RB1: variants seen among roughly 807,000 people sequenced by gnomAD.
The protein encoded by RB1 is RB transcriptional corepressor 1.
In RB1, 18 loss-of-function variants were observed where a neutral mutation model predicts 135.4. The ratio of observed to expected loss-of-function variants is 0.13; its 90% CI spans 0.09 to 0.20. The LOEUF is 0.20. Among genes scored for constraint, RB1 ranks in the 10% least tolerant of loss-of-function variants. RB1 has a pLI of 1.00. For synonymous variants in RB1, 365 were observed against 373.2 expected (o/e 0.98, Z 0.25); for missense variants, 868 against 1,110.0 (o/e 0.78, Z 3.10).
chr13:48,391,262 T>G (rs1648055970), intron 17 of RB1: 1 of 152,250 alleles, frequency 6.6e-6, no homozygotes, highest in Non-Finnish European at 1.5e-5. Flanking sequence ...ACCTTTGGGC[T>G]GTTGTTGTCA....
chr13:48,316,639 C>A (rs991942299), intron 2 of RB1, among the ~76,000 whole-genome samples: 1 of 151,480 alleles, frequency 6.6e-6, no homozygotes, highest in Non-Finnish European at 1.5e-5. Context: ...TAAATAAAAG[C>A]ATTGTTTCAT....
At chr13:48,441,241 C>T (rs188296887) in intron 17 of RB1, among the ~76,000 whole-genome samples, 1 of 152,292 alleles carries the variant, frequency 6.6e-6, no homozygotes, top group Admixed American at 6.5e-5. Context: ...AGGGACAAGG[C>T]AGCTCTCTGG....
At chr13:48,366,818 G>A (rs1374136050) in intron 9 of RB1, among the ~76,000 whole-genome samples, 1 of 152,086 alleles carries the variant, frequency 6.6e-6, no homozygotes, top group Non-Finnish European at 1.5e-5. Flanking sequence ...ATATTGATAA[G>A]CATAAAAGAT....
intron 11 of RB1, among the ~76,000 whole-genome samples, chr13:48,369,731 T>C (rs1428985533): frequency 6.6e-6 from 1 of 152,212 alleles, no homozygotes; most frequent in Admixed American, 6.5e-5. Context: ...TTTCTTTCCA[T>C]GGATTACCAA....
chr13:48,397,592 T>C (rs1174683401), intron 17 of RB1, among the ~76,000 whole-genome samples: 1 of 152,148 alleles, frequency 6.6e-6, no homozygotes, highest in Non-Finnish European at 1.5e-5. Flanking sequence ...CGTATACCTA[T>C]GTAACAAACC....
At chr13:48,349,086 T>C in intron 6 of RB1, 63 bp downstream of exon 6, 1 of 1,505,804 alleles carries the variant, frequency 6.6e-7, no homozygotes, top group South Asian at 1.2e-5. Context: ...TGGCATTCCT[T>C]TGGACTAAAT....
chr13:48,381,164 T>G lies in RB1; in HGVS notation c.1499-83T>G, dbSNP rs1243883762. ...ATGGTTTAACCTTTCTACTGTTTTC[T>G]TTGTCTGATAATAACTTCCAAAAAA... is the stretch of plus-strand genomic sequence containing the variant. On this transcript the variant is annotated intron_variant, in intron 16 of 26. Coordinates refer to ENST00000267163, the MANE Select transcript of RB1 (RefSeq NM_000321.3). 4.0e-6 allele frequency: 6 copies of G among 1,495,128 alleles called. No homozygotes were observed. The Middle Eastern group carries it at 7.3e-4, about 182-fold the overall frequency. 92.6% of individuals were successfully genotyped at this position (1,495,128 alleles called of 1,614,324 possible).
At chr13:48,374,388 T>C (rs559141198) in intron 12 of RB1, among the ~76,000 whole-genome samples, 4 of 152,334 alleles carry the variant, frequency 2.6e-5, no homozygotes, top group South Asian at 2.1e-4. Context: ...AGGAGACTTA[T>C]TAAAATTTGG....
At chr13:48,353,201 G>T (rs139076106) in intron 6 of RB1, among the ~76,000 whole-genome samples, 1 of 151,856 alleles carries the variant, frequency 6.6e-6, no homozygotes, top group Non-Finnish European at 1.5e-5. Flanking sequence ...CAAGCCTTTA[G>T]CTAGATTAAC....
intron 20 of RB1, among the ~76,000 whole-genome samples, chr13:48,462,732 A>C (rs1949413962): frequency 6.6e-6 from 1 of 152,142 alleles, no homozygotes; most frequent in African/African-American, 2.4e-5. Context: ...TAGTTCTTAC[A>C]TTTAGGTTTT....
chr13:48,457,653 G>A (rs1949369166), intron 19 of RB1, among the ~76,000 whole-genome samples: 1 of 152,244 alleles, frequency 6.6e-6, no homozygotes, highest in African/African-American at 2.4e-5. Flanking sequence ...CTGTAGGCCA[G>A]TGCCAAGCTG....
At chr13:48,345,238 T>C (rs763870325) in intron 4 of RB1, 39 bp downstream of exon 4, 1 of 1,590,840 alleles carries the variant, frequency 6.3e-7, no homozygotes, top group East Asian at 2.2e-5. Context: ...CTCTGATTTT[T>C]TATGTCATTG....
chr13:48,396,221 G>A (rs1053479799), intron 17 of RB1, among the ~76,000 whole-genome samples: 21 of 152,040 alleles, frequency 1.4e-4, no homozygotes, highest in Admixed American at 3.3e-4. Context: ...AAAGCTGGAG[G>A]CATCACGCTA....
chr13:48,317,276 C>T (rs1235018288), intron 2 of RB1: 3 of 404,210 alleles, frequency 7.4e-6, no homozygotes, highest in Non-Finnish European at 1.3e-5. Context: ...GGGGAGAAGC[C>T]CACAAGGGGT....
intron 17 of RB1, among the ~76,000 whole-genome samples, chr13:48,447,497 AG>A (rs1403872528): frequency 6.6e-6 from 1 of 152,196 alleles, no homozygotes; most frequent in Non-Finnish European, 1.5e-5. Context: ...TGGCACTCAT[AG>A]ATGTAAATAA....
chr13:48,465,224 T>C lies in RB1; in HGVS notation c.2345T>C (p.Ile782Thr), dbSNP rs1949432262. Reference protein sequence around the residue: ...ASTRPPTLSPIPHIPRSPYKF... With the variant: ...ASTRPPTLSPTPHIPRSPYKF... ...CTCTAGCCCCCTACCTTGTCACCAATACCTCACATTCCTCGAAGCCCTTAC... is the reference window on the plus strand; with the variant it reads ...CTCTAGCCCCCTACCTTGTCACCAACACCTCACATTCCTCGAAGCCCTTAC... The change falls in exon 23 of 27, where the codon ATA becomes ACA. Residue 782 changes from isoleucine to threonine, a missense_variant. Coordinates refer to ENST00000267163, the MANE Select transcript of RB1 (RefSeq NM_000321.3). 2 of 1,614,048 alleles carry C rather than the reference T, an allele frequency of 1.2e-6. No homozygotes were observed. The highest frequency in any genetic ancestry group is 1.7e-6 in the Non-Finnish European group (2 of 1,179,962).
At chr13:48,307,507 A>T (rs2138034939) in intron 2 of RB1, 101 bp downstream of exon 2, 1 of 1,192,104 alleles carries the variant, frequency 8.4e-7, no homozygotes. Context: ...TATAAAGACA[A>T]TAAAAGCTAA....
At chr13:48,409,282 C>A (rs1263170559) in intron 17 of RB1, among the ~76,000 whole-genome samples, 1 of 150,246 alleles carries the variant, frequency 6.7e-6, no homozygotes, top group African/African-American at 2.4e-5. Flanking sequence ...TTAGGTTTAT[C>A]TAAAGGAAAC....
intron 11 of RB1, among the ~76,000 whole-genome samples, chr13:48,371,354 C>A (rs1363653931): frequency 6.6e-6 from 1 of 152,048 alleles, no homozygotes; most frequent in Non-Finnish European, 1.5e-5. Flanking sequence ...ATTAGAATAA[C>A]CTGAGGAATT....
Sources: gnomAD v4.1 joint callset for allele counts (sites outside exome capture counted in the v4.1 genomes callset) on GRCh38, gnomAD v4.1.1 for gene constraint, MANE v1.5 for transcripts, NCBI Gene and HGNC (gene_info 2026-07-23, HGNC 2026-07-21) for gene names.